Variants in SYN3 observed in about 807,000 individuals in gnomAD.
SYN3 encodes the protein synapsin III, also known as synapsin-3.
SYN3 carries 35 observed loss-of-function variants against 65.8 expected under a neutral mutation model. That is an observed-to-expected ratio of 0.53 (90% CI 0.41 to 0.70). The LOEUF (loss-of-function observed/expected upper bound fraction) is 0.70, where lower values mean the gene tolerates loss of function less well. Ranked by LOEUF, SYN3 falls within the 30% of genes least tolerant of loss-of-function variation. The pLI, the probability that SYN3 is intolerant of heterozygous loss-of-function variation, is 0.00. For missense variants in SYN3, 680 were observed against 749.0 expected (o/e 0.91, Z 1.08); for synonymous variants, 270 against 292.9 (o/e 0.92, Z 0.80).
chr22:32,667,674 A>C (rs987790299), intron 6 of SYN3, among the ~76,000 whole-genome samples: 1 of 152,172 alleles, frequency 6.6e-6, no homozygotes, highest in African/African-American at 2.4e-5. Context: ...TCCATAAGGC[A>C]TCATATAAGA....
At chr22:32,938,474 G>A (rs2050838675) in intron 3 of SYN3, among the ~76,000 whole-genome samples, 1 of 150,434 alleles carries the variant, frequency 6.6e-6, no homozygotes, top group Non-Finnish European at 1.5e-5. Flanking sequence ...AGCTTGCAGT[G>A]AGCAGCAATC....
chr22:32,988,392 C>T (rs2052600047), intron 2 of SYN3, among the ~76,000 whole-genome samples: 3 of 150,612 alleles, frequency 2.0e-5, no homozygotes, highest in African/African-American at 7.3e-5. Context: ...AAATGCACAA[C>T]CAATGTGATT....
intron 6 of SYN3, among the ~76,000 whole-genome samples, chr22:32,842,162 C>A (rs74438510): frequency 1.3e-5 from 2 of 152,156 alleles, no homozygotes; most frequent in Non-Finnish European, 2.9e-5. Context: ...AACAGGGCAG[C>A]GACTTCACCC....
At chr22:32,625,256 A>G (rs2059649756) in intron 6 of SYN3, among the ~76,000 whole-genome samples, 1 of 152,198 alleles carries the variant, frequency 6.6e-6, no homozygotes, top group Non-Finnish European at 1.5e-5. Context: ...TTCTAATGGA[A>G]TAGATTGCCC....
At chr22:32,975,695 G>A (rs574302153) in intron 3 of SYN3, among the ~76,000 whole-genome samples, 3 of 152,296 alleles carry the variant, frequency 2.0e-5, no homozygotes, top group South Asian at 4.1e-4. Flanking sequence ...TTAATCTGGC[G>A]TATTCTCTCT....
At chr22:32,661,070 C>T (rs1217081015) in intron 6 of SYN3, among the ~76,000 whole-genome samples, 7 of 152,210 alleles carry the variant, frequency 4.6e-5, no homozygotes, top group African/African-American at 1.4e-4. Context: ...ATAGAAATTC[C>T]GGATCTGGCT....
At chr22:32,973,169 T>C (rs961059009) in intron 3 of SYN3, among the ~76,000 whole-genome samples, 1 of 152,330 alleles carries the variant, frequency 6.6e-6, no homozygotes, top group African/African-American at 2.4e-5. Flanking sequence ...ATCCTCCTTG[T>C]TAAATTCCCT....
chr22:32,646,776 T>C (rs2059990071), intron 6 of SYN3, among the ~76,000 whole-genome samples: 1 of 152,204 alleles, frequency 6.6e-6, no homozygotes, highest in South Asian at 2.1e-4. Context: ...GTGGAAAGAA[T>C]GGAGGCAGAT....
intron 6 of SYN3, among the ~76,000 whole-genome samples, chr22:32,815,336 C>G (rs2047060310): frequency 6.6e-6 from 1 of 152,204 alleles, no homozygotes; most frequent in Non-Finnish European, 1.5e-5. Context: ...CCAGGTCTCT[C>G]ACTTGACAGA....
At chr22:32,564,953 CTGGACTG>C (rs2058646539) in intron 7 of SYN3, among the ~76,000 whole-genome samples, 1 of 91,464 alleles carries the variant, frequency 1.1e-5, no homozygotes, top group South Asian at 4.2e-4. Context: ...AACAGTGCTC[CTGGACTG>C]CACCCAAACA....
chr22:32,643,552 G>C lies in SYN3; in HGVS notation c.712-46816C>G, dbSNP rs1007255706. 3.7e-4 allele frequency among the ~76,000 whole-genome samples: 47 copies of C among 128,756 alleles called. 2 individuals are homozygous for C. The East Asian group carries it at 7.2e-3, about 20-fold the overall frequency. 84.5% of individuals were successfully genotyped at this position (128,756 alleles called of 152,430 possible). On this transcript the variant is annotated intron_variant, in intron 6 of 13. Coordinates refer to ENST00000358763, the MANE Select transcript of SYN3 (RefSeq NM_003490.4). The stretch of plus-strand genomic sequence containing the variant: ...TGAGAGGGCAAATTAGAAATGGTGG[G>C]GGGGCGGGGGGGGCAGAACAGACCC...
intron 4 of SYN3, among the ~76,000 whole-genome samples, chr22:32,879,248 G>A (rs749440785): frequency 3.3e-5 from 5 of 152,056 alleles, no homozygotes; most frequent in Non-Finnish European, 5.9e-5. Context: ...GCCAAGACAC[G>A]GACTGATTAA....
chr22:32,793,074 C>G (rs1285474012), intron 6 of SYN3, among the ~76,000 whole-genome samples: 1 of 152,176 alleles, frequency 6.6e-6, no homozygotes, highest in Non-Finnish European at 1.5e-5. Context: ...ATTGAAAGTG[C>G]CTTGTACATA....
chr22:32,692,246 G>T (rs1318061301), intron 6 of SYN3, among the ~76,000 whole-genome samples: 1 of 150,230 alleles, frequency 6.7e-6, no homozygotes, highest in Non-Finnish European at 1.5e-5. Flanking sequence ...TGCAACACAT[G>T]AGCTAGTAGG....
chr22:32,920,751 G>A (rs2050315516), intron 4 of SYN3, among the ~76,000 whole-genome samples: 1 of 152,090 alleles, frequency 6.6e-6, no homozygotes, highest in African/African-American at 2.4e-5. Context: ...TACAGGAGAT[G>A]GGTCCCTGTT....
chr22:32,569,421 ATCTATCT>A (rs2058720372), intron 7 of SYN3, among the ~76,000 whole-genome samples: 1 of 150,790 alleles, frequency 6.6e-6, no homozygotes, highest in African/African-American at 2.5e-5. Flanking sequence ...CTATCTATCT[ATCTATCT>A]ATCTATCTAT....
At chr22:32,654,801 C>A (rs539615802) in intron 6 of SYN3, among the ~76,000 whole-genome samples, 1 of 152,362 alleles carries the variant, frequency 6.6e-6, no homozygotes, top group East Asian at 1.9e-4. Flanking sequence ...TGCTGCTACT[C>A]TGGGCTGGGG....
At chr22:32,558,004 C>G (rs915996629) in intron 7 of SYN3, among the ~76,000 whole-genome samples, 39 of 152,184 alleles carry the variant, frequency 2.6e-4, no homozygotes, top group Non-Finnish European at 4.4e-4. Flanking sequence ...CCAAGAAGTA[C>G]CAAGTTGAGT....
intron 6 of SYN3, among the ~76,000 whole-genome samples, chr22:32,724,603 C>A (rs901079365): frequency 2.0e-5 from 3 of 152,154 alleles, no homozygotes; most frequent in Non-Finnish European, 2.9e-5. Context: ...TAGTGTCTGA[C>A]AAATAGTAAG....
Sources: gnomAD v4.1 joint callset for allele counts (sites outside exome capture counted in the v4.1 genomes callset) on GRCh38, gnomAD v4.1.1 for gene constraint, MANE v1.5 for transcripts, NCBI Gene and HGNC (gene_info 2026-07-23, HGNC 2026-07-21) for gene names.